Variants in CACNB2 observed in about 807,000 individuals in gnomAD.
The protein encoded by CACNB2 is voltage-dependent L-type calcium channel subunit beta-2.
A neutral mutation model predicts 73.3 loss-of-function variants in CACNB2; 42 were observed. The ratio of observed to expected loss-of-function variants is 0.57; its 90% CI spans 0.45 to 0.74. The LOEUF (loss-of-function observed/expected upper bound fraction) is 0.74. CACNB2 is among the 30% of genes least tolerant of loss of function. CACNB2 has a pLI of 0.00. For synonymous variants in CACNB2, 348 were observed against 310.3 expected (o/e 1.12, Z -1.28); for missense variants, 940 against 853.0 (o/e 1.10, Z -1.27).
intron 2 of CACNB2, among the ~76,000 whole-genome samples, chr10:18,172,357 CCTT>C (rs1388309260): frequency 1.3e-5 from 2 of 152,192 alleles, no homozygotes; most frequent in Admixed American, 6.5e-5. Context: ...CAGCAAGACT[CCTT>C]CTCAAAAGAG....
intron 3 of CACNB2, among the ~76,000 whole-genome samples, chr10:18,442,581 C>G (rs1400349313): frequency 2.6e-5 from 4 of 151,496 alleles, no homozygotes; most frequent in Admixed American, 2.0e-4. Context: ...AATCCCAGCA[C>G]TTTGGGAGGC....
intron 2 of CACNB2, among the ~76,000 whole-genome samples, chr10:18,183,434 C>T (rs1048349743): frequency 6.6e-6 from 1 of 152,072 alleles, no homozygotes; most frequent in Non-Finnish European, 1.5e-5. Context: ...AAGACATACT[C>T]GAGACTGGGT....
In CACNB2 at chr10:18,167,123, G is replaced by T. The variant is rs534958547; in HGVS notation, c.213+16148G>T. Among the ~76,000 whole-genome samples, 3 of 152,326 alleles carry T rather than the reference G, an allele frequency of 2.0e-5. No homozygotes were observed. In the South Asian group the frequency reaches 6.2e-4, roughly 32 times the overall value. On this transcript the variant is annotated intron_variant, in intron 2 of 13. Coordinates refer to ENST00000324631, the MANE Select transcript of CACNB2 (RefSeq NM_201596.3). ...GAATAATTATTAGCTGCTTAAAAAA[G>T]AATGAAATCATGTCTTTCACAGCGA...
At chr10:18,500,656 C>A (rs2050144217) in intron 4 of CACNB2, among the ~76,000 whole-genome samples, 156 bp from the exon 5 acceptor site, 2 of 152,164 alleles carry the variant, frequency 1.3e-5, no homozygotes, top group Admixed American at 1.3e-4. Context: ...GCATTTCTTA[C>A]ATGTGAAACC....
At chr10:18,271,415 C>G (rs2038049681) in intron 2 of CACNB2, among the ~76,000 whole-genome samples, 1 of 152,080 alleles carries the variant, frequency 6.6e-6, no homozygotes, top group Non-Finnish European at 1.5e-5. Context: ...ACAGCAGTTA[C>G]AAAAGTAGGT....
chr10:18,247,805 T>A (rs1366721380), intron 2 of CACNB2, among the ~76,000 whole-genome samples: 1 of 152,208 alleles, frequency 6.6e-6, no homozygotes, highest in Non-Finnish European at 1.5e-5. Context: ...TCATAGTATC[T>A]GTGAGGACCA....
intron 2 of CACNB2, among the ~76,000 whole-genome samples, chr10:18,215,055 A>G (rs961085183): frequency 1.3e-5 from 2 of 151,976 alleles, no homozygotes; most frequent in Non-Finnish European, 1.5e-5. Flanking sequence ...TAAAGTGCTG[A>G]ACCCACTGTG....
intron 7 of CACNB2, among the ~76,000 whole-genome samples, chr10:18,517,225 A>C (rs2051369764): frequency 6.6e-6 from 1 of 152,204 alleles, no homozygotes; most frequent in Non-Finnish European, 1.5e-5. Flanking sequence ...CCTTAGCCAG[A>C]AAGATTCATA....
At chr10:18,360,094 C>T (rs947203532) in intron 2 of CACNB2, among the ~76,000 whole-genome samples, 3 of 152,086 alleles carry the variant, frequency 2.0e-5, no homozygotes, top group African/African-American at 7.2e-5. Context: ...AATAAACTGC[C>T]GATGAATCAA....
intron 2 of CACNB2, among the ~76,000 whole-genome samples, chr10:18,394,316 C>G (rs151252205): frequency 1.9e-4 from 29 of 152,258 alleles, no homozygotes; most frequent in African/African-American, 6.5e-4. Context: ...TAAAGCTTAG[C>G]AAAGACATAG....
chr10:18,338,793 C>T (rs2132058693), intron 2 of CACNB2, among the ~76,000 whole-genome samples: 1 of 135,658 alleles, frequency 7.4e-6, no homozygotes, highest in African/African-American at 2.9e-5. Context: ...GGCTGCAGTG[C>T]AGTGGTATGA....
intron 3 of CACNB2, among the ~76,000 whole-genome samples, chr10:18,481,687 C>G (rs981855094): frequency 2.0e-5 from 3 of 152,118 alleles, no homozygotes; most frequent in Non-Finnish European, 4.4e-5. Flanking sequence ...TCCTCTCCTT[C>G]CCTGATTCCT....
At chr10:18,418,730 A>G (rs1461253053) in intron 3 of CACNB2, among the ~76,000 whole-genome samples, 2 of 152,006 alleles carry the variant, frequency 1.3e-5, no homozygotes, top group African/African-American at 4.8e-5. Flanking sequence ...TTTTTGGTCT[A>G]TAAATGTGTT....
chr10:18,369,862 A>T (rs7072399), intron 2 of CACNB2, among the ~76,000 whole-genome samples: 2 of 152,010 alleles, frequency 1.3e-5, no homozygotes, highest in African/African-American at 4.8e-5. Flanking sequence ...AGCCGAGATC[A>T]TGCCATTGCA....
intron 2 of CACNB2, among the ~76,000 whole-genome samples, chr10:18,364,802 CA>C (rs2042284100): frequency 6.6e-6 from 1 of 152,104 alleles, no homozygotes; most frequent in Non-Finnish European, 1.5e-5. Context: ...CTCTTTCTGC[CA>C]AAATGTCATT....
intron 3 of CACNB2, among the ~76,000 whole-genome samples, chr10:18,465,762 ACCTCTG>A (rs2047846578): frequency 6.6e-6 from 1 of 151,298 alleles, no homozygotes; most frequent in South Asian, 2.1e-4. Context: ...GATCACTGCA[ACCTCTG>A]CCTCCCAGGT....
At chr10:18,149,251 G>C (rs1180531124) in intron 1 of CACNB2, among the ~76,000 whole-genome samples, 2 of 152,052 alleles carry the variant, frequency 1.3e-5, no homozygotes, top group Non-Finnish European at 2.9e-5. Flanking sequence ...AAATGCATCT[G>C]TCCAAACCTT....
rs142639223 is a variant in CACNB2, at chr10:18,539,443, G to T, written c.1702G>T (p.Val568Leu). ...ETQESRDSAYVEPKEDYSHDH... is the reference protein window; with the variant it reads ...ETQESRDSAYLEPKEDYSHDH... ...CCAGGAGAGTCGAGACTCTGCCTAC[G>T]TAGAGCCAAAGGAAGATTATTCCCA... The change falls in exon 14 of 14, where the codon GTA (valine) becomes TTA (leucine). Residue 568 changes from valine (V) to leucine (L), a missense_variant. Physicochemically the swap from Val to Leu is conservative, Grantham distance 32. Transcript: ENST00000324631. 9.3e-6 allele frequency: 15 copies of T among 1,613,860 alleles called. No individual in the cohort carries two copies. The African/African-American group carries it at 1.2e-4, about 13-fold the overall frequency.
At chr10:18,310,605 C>CAAAAAAAAAAAA (rs1157466238) in intron 2 of CACNB2, among the ~76,000 whole-genome samples, 7 of 36,858 alleles carry the variant, frequency 1.9e-4, no homozygotes, top group Admixed American at 3.7e-4. Context: ...AACTCCATCT[C>CAAAAAAAAAAAA]AAAAAAAAAA....
Sources: allele counts gnomAD v4.1 joint callset (sites outside exome capture counted in the v4.1 genomes callset), GRCh38; gene constraint gnomAD v4.1.1; transcripts MANE v1.5; gene names NCBI Gene and HGNC (gene_info 2026-07-23, HGNC 2026-07-21).